Variants in B4GALT6 observed in about 807,000 individuals in gnomAD.
The protein encoded by B4GALT6 is beta-1,4-galactosyltransferase 6.
In B4GALT6, 14 loss-of-function variants were observed where a neutral mutation model predicts 46.3. The observed-to-expected ratio is 0.30, with a 90% CI of 0.20 to 0.47. The LOEUF (loss-of-function observed/expected upper bound fraction) is 0.47, where lower values mean the gene tolerates loss of function less well. Among genes scored for constraint, B4GALT6 ranks in the 20% least tolerant of loss-of-function variants. B4GALT6 has a pLI of 0.99. For synonymous variants in B4GALT6, 168 were observed against 162.0 expected (o/e 1.04, Z -0.28); for missense variants, 386 against 480.1 (o/e 0.80, Z 1.83).
chr18:31,676,180 CTTAA>C (rs1274923871), intron 1 of B4GALT6, among the ~76,000 whole-genome samples: 3 of 150,332 alleles, frequency 2.0e-5, no homozygotes, highest in Non-Finnish European at 4.4e-5. Flanking sequence ...GAGCAATTAA[CTTAA>C]TTATCAGGAA....
At position 31,626,151 on chromosome 18, in the gene B4GALT6, GC is replaced by G. The variant is rs1285672556; in HGVS notation, c.1001+131del. The stretch of plus-strand genomic sequence containing the variant: ...CTTCCTTTTGTAAAGATTCCCTTCA[GC>G]AAAAAATACTTCCCTTCCATTATGA... On this transcript the variant is annotated intron_variant, in intron 8 of 8. Coordinates refer to ENST00000306851, the MANE Select transcript of B4GALT6 (RefSeq NM_004775.5). 4 of 541,744 alleles carry G rather than the reference GC, an allele frequency of 7.4e-6. No individual in the cohort carries two copies. In the African/African-American group the frequency reaches 7.7e-5, roughly 10 times the overall value. 33.6% of individuals were successfully genotyped at this position (541,744 alleles called of 1,614,324 possible). A position where few individuals can be genotyped will look rare whatever the true frequency, so the allele number is the denominator to read the frequency against.
In B4GALT6 at chr18:31,658,059, TA is replaced by T; in HGVS notation, c.262del (p.Tyr88IlefsTer36). On this transcript the variant is annotated frameshift_variant, in exon 3 of 9. Coordinates refer to ENST00000306851, the MANE Select transcript of B4GALT6 (RefSeq NM_004775.5). LOFTEE classifies it high-confidence loss of function. ...DYPEGNNSSD[Y>X]LVQTTTYLPE... ...GAGATACGTTGTTGTTTGAACAAGA[TA>T]ATCACTTGAATTATTGCCTTCGGGA... 1.2e-6 allele frequency: 2 copies of T among 1,609,220 alleles called. No homozygotes were observed. Among genetic ancestry groups the T allele is most frequent in the Non-Finnish European group, 1.7e-6 (2 of 1,179,112 alleles).
At position 31,667,349 on chromosome 18, in the gene B4GALT6, A is replaced by C. The variant is rs539453362; in HGVS notation, c.116-977T>G. ...CTCACTATCATGGCAAAAACCAAGA[A>C]ACTGCAAGCCTCAGTGAATGACTCA... On this transcript the variant is annotated intron_variant, in intron 1 of 8. Transcript: ENST00000306851. Among the ~76,000 whole-genome samples, 11 of 152,320 alleles carry C rather than the reference A, an allele frequency of 7.2e-5. No homozygotes were observed. The South Asian group carries it at 2.3e-3, about 32-fold the overall frequency.
the B4GALT6 span, among the ~76,000 whole-genome samples, chr18:31,712,710 A>G: frequency 6.6e-6 from 1 of 152,170 alleles, no homozygotes; most frequent in Admixed American, 6.5e-5. Flanking sequence ...GGTTGTGCTC[A>G]CATTTACATC....
the B4GALT6 span, among the ~76,000 whole-genome samples, chr18:31,701,508 G>A: frequency 6.6e-6 from 1 of 152,098 alleles, no homozygotes; most frequent in African/African-American, 2.4e-5. Flanking sequence ...ATATATAAAA[G>A]TGGCATTTTT....
At chr18:31,684,186 TA>T in intron 1 of B4GALT6, 125 bp downstream of exon 1, 1 of 1,464,200 alleles carries the variant, frequency 6.8e-7, no homozygotes. Context: ...AAATAACATT[TA>T]AAACAAAACG....
chr18:31,652,047 G>A (rs954376006), intron 3 of B4GALT6, among the ~76,000 whole-genome samples: 1 of 152,114 alleles, frequency 6.6e-6, no homozygotes, highest in African/African-American at 2.4e-5. Context: ...TGGGATTACA[G>A]GCGTGAGCCA....
At chr18:31,678,681 A>G (rs1275316275) in intron 1 of B4GALT6, among the ~76,000 whole-genome samples, 2 of 152,262 alleles carry the variant, frequency 1.3e-5, no homozygotes, top group South Asian at 4.1e-4. Context: ...GGGGTGTGGC[A>G]GGGAAGACAT....
the B4GALT6 span, among the ~76,000 whole-genome samples, chr18:31,702,236 T>C: frequency 6.6e-6 from 1 of 152,240 alleles, no homozygotes; most frequent in Admixed American, 6.5e-5. Context: ...TTATTAATGT[T>C]TCAAATACAA....
chr18:31,625,759 T>C lies in B4GALT6; in HGVS notation c.1004A>G (p.Tyr335Cys). The change falls in exon 9 of 9, where the codon TAT (tyrosine) becomes TGT (cysteine). Residue 335 changes from tyrosine (Y) to cysteine (C), a missense_variant and splice_region_variant. Physicochemically the swap from Tyr to Cys is radical, Grantham distance 194 (BLOSUM62 -2). Around this residue, in one of 2 missense-constraint regions of B4GALT6, gnomAD observed 323 missense variants for 438.9 expected, o/e 0.74. Coordinates refer to ENST00000306851, the MANE Select transcript of B4GALT6 (RefSeq NM_004775.5). ...CTCCTTGGAATACCTTAGTAATTTA[T>C]ACCTATAGTTTTAGAGGAAAAAACA... ...HRGEVQFLGR[Y>C]KLLRYSKERQ... The C allele has an allele frequency of 6.3e-7, 1 of 1,576,556 alleles. No individual in the cohort carries two copies. Among genetic ancestry groups the C allele is most frequent in the Non-Finnish European group, 8.6e-7 (1 of 1,168,254 alleles).
intron 1 of B4GALT6, among the ~76,000 whole-genome samples, chr18:31,669,955 A>G (rs1018932846): frequency 1.4e-4 from 22 of 152,250 alleles, no homozygotes; most frequent in Non-Finnish European, 2.8e-4. Flanking sequence ...GGCCTAAGAA[A>G]TGAGATGCTA....
At chr18:31,662,326 T>G (rs2074227401) in intron 2 of B4GALT6, among the ~76,000 whole-genome samples, 1 of 152,336 alleles carries the variant, frequency 6.6e-6, no homozygotes, top group East Asian at 1.9e-4. Flanking sequence ...CAGTACTCTG[T>G]CCGGTGGTAT....
chr18:31,654,734 T>C (rs1389835318), intron 3 of B4GALT6, among the ~76,000 whole-genome samples: 2 of 152,178 alleles, frequency 1.3e-5, no homozygotes, highest in Admixed American at 1.3e-4. Flanking sequence ...ACTTGAATGG[T>C]TTTCATCTAA....
chr18:31,721,013 G>A, the B4GALT6 span, among the ~76,000 whole-genome samples: 9 of 152,192 alleles, frequency 5.9e-5, no homozygotes, highest in Non-Finnish European at 1.2e-4. Context: ...TGGTTCATTC[G>A]TGGAGACAGT....
intron 1 of B4GALT6, among the ~76,000 whole-genome samples, chr18:31,670,108 C>T (rs1296054152): frequency 1.3e-5 from 2 of 150,400 alleles, no homozygotes; most frequent in East Asian, 1.9e-4. Flanking sequence ...GGTTGGAGTG[C>T]GGTAGCTCCA....
At chr18:31,720,353 C>G in the B4GALT6 span, among the ~76,000 whole-genome samples, 2 of 152,206 alleles carry the variant, frequency 1.3e-5, no homozygotes, top group African/African-American at 4.8e-5. Flanking sequence ...TGGGAAGGGG[C>G]AAAGAGGTGC....
chr18:31,682,119 A>G (rs1198268155), intron 1 of B4GALT6, among the ~76,000 whole-genome samples: 1 of 152,186 alleles, frequency 6.6e-6, no homozygotes, highest in Non-Finnish European at 1.5e-5. Flanking sequence ...AACAACTGAA[A>G]AACTATGGTT....
intron 2 of B4GALT6, among the ~76,000 whole-genome samples, chr18:31,662,710 G>A (rs1410407833): frequency 1.3e-5 from 2 of 152,106 alleles, no homozygotes; most frequent in East Asian, 1.9e-4. Flanking sequence ...GCATGGTGGC[G>A]GGCGCCTGTA....
At chr18:31,683,352 G>A (rs1223464732) in intron 1 of B4GALT6, among the ~76,000 whole-genome samples, 1 of 152,198 alleles carries the variant, frequency 6.6e-6, no homozygotes, top group Non-Finnish European at 1.5e-5. Flanking sequence ...CGACCACAGT[G>A]TGTAAGGAGA....
Sources: gnomAD v4.1 joint callset for allele counts (sites outside exome capture counted in the v4.1 genomes callset) on GRCh38, gnomAD v4.1.1 for gene constraint, gnomAD v4.1.1 regional missense constraint, MANE v1.5 for transcripts, NCBI Gene and HGNC (gene_info 2026-07-23, HGNC 2026-07-21) for gene names.